The following ARSJ variants were observed in gnomAD, a reference collection of about 807,000 sequenced individuals.
ARSJ encodes the protein arylsulfatase J.
In ARSJ, 26 loss-of-function variants were observed where a neutral mutation model predicts 35.9. The ratio of observed to expected loss-of-function variants is 0.72; its 90% CI spans 0.53 to 1.00. The LOEUF (loss-of-function observed/expected upper bound fraction) is 1.00, where lower values mean the gene tolerates loss of function less well. ARSJ is among the 50% of genes least tolerant of loss of function. ARSJ has a pLI of 0.00. For missense variants in ARSJ, 667 were observed against 723.6 expected (o/e 0.92, Z 0.90); for synonymous variants, 294 against 267.6 (o/e 1.10, Z -0.96).
chr4:113,962,972 T>C (rs1338061635), intron 1 of ARSJ, among the ~76,000 whole-genome samples: 2 of 152,034 alleles, frequency 1.3e-5, no homozygotes, highest in African/African-American at 4.8e-5. Flanking sequence ...CCAGGGGTGT[T>C]CCTGTTGTAA....
intron 1 of ARSJ, among the ~76,000 whole-genome samples, chr4:113,976,028 T>C (rs954308711): frequency 2.0e-5 from 3 of 152,172 alleles, no homozygotes; most frequent in African/African-American, 7.2e-5. Context: ...ACATGAACGC[T>C]TATTGACAGG....
rs533928093 is a variant in ARSJ at position 113,900,431 on chromosome 4, T to C, written c.*1843A>G. On this transcript the variant is annotated 3_prime_UTR_variant, in exon 2 of 2. Transcript: ENST00000315366. ...AATGTTAAAATTAAAATCATTTAAA[T>C]CATCTTACCCAATTTAGTAATTTCA... The C allele has an allele frequency of 6.6e-6, 1 of 152,194 alleles. No homozygotes were observed. The highest frequency in any genetic ancestry group is 1.5e-5 in the Non-Finnish European group (1 of 68,030). The allele number at this position is 152,194 out of a possible 1,614,324, so 9.4% of individuals were successfully genotyped here.
intron 1 of ARSJ, among the ~76,000 whole-genome samples, chr4:113,914,813 A>G (rs893711788): frequency 2.0e-5 from 3 of 152,202 alleles, no homozygotes; most frequent in African/African-American, 4.8e-5. Context: ...TCTGTAAGAA[A>G]CATTGTGGTA....
intron 1 of ARSJ, among the ~76,000 whole-genome samples, chr4:113,924,076 AATATATATATATATATATATAT>A (rs1164333093): frequency 1.0e-4 from 10 of 95,738 alleles, no homozygotes; most frequent in African/African-American, 4.3e-4. Flanking sequence ...AATATATATA[AATATATATATATATATATATAT>A]ATATATATAT....
chr4:113,923,621 G>GTA (rs776429187), intron 1 of ARSJ, among the ~76,000 whole-genome samples: 3 of 152,008 alleles, frequency 2.0e-5, no homozygotes, highest in Non-Finnish European at 2.9e-5. Context: ...TTTCAATGGT[G>GTA]TATACATTTC....
At position 113,902,864 on chromosome 4, in the gene ARSJ, A is replaced by G; in HGVS notation, c.1210T>C (p.Trp404Arg). 1 of 1,614,198 alleles carries G rather than the reference A, an allele frequency of 6.2e-7. No individual in the cohort carries two copies. The highest frequency in any genetic ancestry group is 8.5e-7 in the Non-Finnish European group (1 of 1,180,036). The change falls in exon 2 of 2, where the codon TGG (tryptophan) becomes CGG (arginine). Residue 404 changes from tryptophan to arginine, a missense_variant. Coordinates refer to ENST00000315366, the MANE Select transcript of ARSJ (RefSeq NM_024590.4). ...CGAAGACCCTCACTTATGGTCTCCC[A>G]GATATCATAGCCATCTAGTTGAATG... Reference protein sequence around the residue: ...EDIQLDGYDIWETISEGLRSP... With the variant: ...EDIQLDGYDIRETISEGLRSP...
intron 1 of ARSJ, among the ~76,000 whole-genome samples, chr4:113,924,384 C>T (rs1723921606): frequency 6.6e-6 from 1 of 151,926 alleles, no homozygotes; most frequent in South Asian, 2.1e-4. Context: ...GTGGGTCGGT[C>T]TTTCCCAGCC....
At chr4:113,977,603 T>C (rs1161422446) in intron 1 of ARSJ, among the ~76,000 whole-genome samples, 1 of 152,202 alleles carries the variant, frequency 6.6e-6, no homozygotes, top group African/African-American at 2.4e-5. Flanking sequence ...CAGGCTGAAT[T>C]TGTACATCCA....
intron 1 of ARSJ, among the ~76,000 whole-genome samples, chr4:113,968,037 A>T (rs1188261054): frequency 6.6e-6 from 1 of 152,180 alleles, no homozygotes; most frequent in African/African-American, 2.4e-5. Context: ...GGCTAAGTTA[A>T]AGTTTCCCAG....
intron 1 of ARSJ, among the ~76,000 whole-genome samples, chr4:113,964,244 AT>A (rs1726750184): frequency 6.6e-6 from 1 of 152,056 alleles, no homozygotes. Flanking sequence ...ACCAGATAAA[AT>A]TCATAGCTTC....
chr4:113,916,689 C>G (rs1723325922), intron 1 of ARSJ, among the ~76,000 whole-genome samples: 1 of 152,078 alleles, frequency 6.6e-6, no homozygotes, highest in Non-Finnish European at 1.5e-5. Flanking sequence ...CTTTCTTTTT[C>G]CTGGTAGTCA....
intron 1 of ARSJ, among the ~76,000 whole-genome samples, chr4:113,935,394 C>T (rs1724702616): frequency 6.6e-6 from 1 of 151,640 alleles, no homozygotes; most frequent in Admixed American, 6.6e-5. Flanking sequence ...GTTTTTGTTG[C>T]CATGAGGAAT....
Position 113,978,804 on chromosome 4 carries a change from G to A in ARSJ, c.31C>T (p.Pro11Ser). 6.2e-7 allele frequency: 1 copy of A among 1,612,620 alleles called. No homozygotes were observed. The highest frequency in any genetic ancestry group is 8.5e-7 in the Non-Finnish European group (1 of 1,179,254). The change falls in exon 1 of 2, where the codon CCT becomes TCT. Residue 11 changes from proline (P) to serine (S), a missense_variant. Transcript: ENST00000315366. ...ACACAGGCCTGTGGAGAAGGCGGAGGCGGATGCCCCGCACAGCCCCTGGGA... is the reference window on the plus strand; with the variant it reads ...ACACAGGCCTGTGGAGAAGGCGGAGACGGATGCCCCGCACAGCCCCTGGGA... MAPRGCAGHP[P>S]PPSPQACVCP...
At chr4:113,938,149 T>A (rs1212171419) in intron 1 of ARSJ, among the ~76,000 whole-genome samples, 1 of 152,092 alleles carries the variant, frequency 6.6e-6, no homozygotes, top group African/African-American at 2.4e-5. Context: ...ACTATGAGGA[T>A]ACAGTAACCA....
At chr4:113,960,331 T>C (rs1318794398) in intron 1 of ARSJ, among the ~76,000 whole-genome samples, 2 of 152,092 alleles carry the variant, frequency 1.3e-5, no homozygotes, top group Admixed American at 6.6e-5. Context: ...TTGAATTTGA[T>C]GACAAGTGAA....
intron 1 of ARSJ, among the ~76,000 whole-genome samples, chr4:113,940,945 AGT>A (rs1207263702): frequency 6.6e-6 from 1 of 151,950 alleles, no homozygotes; most frequent in Non-Finnish European, 1.5e-5. Flanking sequence ...GTTCTCTTCC[AGT>A]TTCTTCAATG....
At chr4:113,954,033 T>C (rs1726021851) in intron 1 of ARSJ, among the ~76,000 whole-genome samples, 1 of 152,062 alleles carries the variant, frequency 6.6e-6, no homozygotes, top group Non-Finnish European at 1.5e-5. Flanking sequence ...TTTCCTGTTC[T>C]GGGTTTCTAA....
chr4:113,973,221 A>G (rs1252310835), intron 1 of ARSJ, among the ~76,000 whole-genome samples: 2 of 152,140 alleles, frequency 1.3e-5, no homozygotes, highest in Non-Finnish European at 2.9e-5. Flanking sequence ...ACTCATTACC[A>G]TATAATTTTC....
chr4:113,912,620 C>T (rs1428280807), intron 1 of ARSJ, among the ~76,000 whole-genome samples: 1 of 151,436 alleles, frequency 6.6e-6, no homozygotes, highest in Admixed American at 6.6e-5. Context: ...TACATTTTTA[C>T]AAAAAAATGT....
Sources: allele counts gnomAD v4.1 joint callset (sites outside exome capture counted in the v4.1 genomes callset), GRCh38; gene constraint gnomAD v4.1.1; transcripts MANE v1.5; gene names NCBI Gene and HGNC (gene_info 2026-07-23, HGNC 2026-07-21).